MARCHF7: variants seen among roughly 807,000 people sequenced by gnomAD.
MARCHF7 encodes membrane associated ring-CH-type finger 7.
A neutral mutation model predicts 76.5 loss-of-function variants in MARCHF7; 20 were observed. The observed-to-expected ratio is 0.26, with a 90% CI of 0.18 to 0.38. The LOEUF (loss-of-function observed/expected upper bound fraction) is 0.38, where lower values mean the gene tolerates loss of function less well. Ranked by LOEUF, MARCHF7 falls within the 10% of genes least tolerant of loss-of-function variation. MARCHF7 has a pLI of 1.00. For synonymous variants in MARCHF7, 295 were observed against 293.0 expected, an observed-to-expected ratio of 1.01 and a Z score of -0.07; for missense variants, 797 against 812.9, an observed-to-expected ratio of 0.98 and a Z score of 0.24.
chr2:159,737,996 G>A (rs1182884320), intron 4 of MARCHF7, among the ~76,000 whole-genome samples: 1 of 152,212 alleles, frequency 6.6e-6, no homozygotes, highest in African/African-American at 2.4e-5. Flanking sequence ...CGGACTGGCA[G>A]GCTTTGTTCG....
intron 5 of MARCHF7, among the ~76,000 whole-genome samples, chr2:159,745,266 A>G (rs1474063888): frequency 2.6e-5 from 4 of 152,222 alleles, no homozygotes; most frequent in African/African-American, 7.2e-5. Context: ...TAGAGTAGGA[A>G]ATAATTTTAT....
In MARCHF7 at chr2:159,748,094, A is replaced by G. The variant is rs149522969; in HGVS notation, c.804A>G (p.Gln268=). 8.2e-5 allele frequency: 132 copies of G among 1,614,192 alleles called. 1 individual carries two copies. In the African/African-American group the frequency reaches 1.2e-3, roughly 14 times the overall value. ...TTGTTTCATCTCAAAGACCATTTCA[A>G]GAATCTTCTGACAATGAAGGTAGGC... ...ERVVSSQRPF[Q]ESSDNEGRRT... The change falls in exon 7 of 12, where the codon CAA becomes CAG. Residue 268 remains glutamine (Q), a synonymous_variant. Transcript: ENST00000409175.
At chr2:159,735,129 C>T (rs1703300297) in intron 4 of MARCHF7, among the ~76,000 whole-genome samples, 1 of 152,146 alleles carries the variant, frequency 6.6e-6, no homozygotes, top group Non-Finnish European at 1.5e-5. Context: ...AGGGAGAGCT[C>T]AAAGTCTTAA....
In MARCHF7 at chr2:159,748,049, C is replaced by T. The variant is rs375346228; in HGVS notation, c.759C>T (p.Ile253=). The change falls in exon 7 of 12, where the codon ATC becomes ATT. Residue 253 remains isoleucine (I), a synonymous_variant. Transcript: ENST00000409175. ...SYSSSRDEAP[I]ISNSERVVSS... Reference sequence around the variant, plus strand: ...GTTCAAGTAGAGATGAAGCCCCAATCATAAGCAATTCAGAAAGGGTTGTTT... The same window carrying T: ...GTTCAAGTAGAGATGAAGCCCCAATTATAAGCAATTCAGAAAGGGTTGTTT... 1 of 1,614,076 alleles carries T rather than the reference C, an allele frequency of 6.2e-7. No individual in the cohort carries two copies. Among genetic ancestry groups the T allele is most frequent in the African/African-American group, 1.3e-5 (1 of 74,938 alleles).
At chr2:159,718,433 T>C (rs1457438078) in intron 3 of MARCHF7, among the ~76,000 whole-genome samples, 3 of 152,126 alleles carry the variant, frequency 2.0e-5, no homozygotes, top group Non-Finnish European at 4.4e-5. Flanking sequence ...GGCTGAGGCA[T>C]TTTTGTTAGA....
chr2:159,730,323 T>C (rs1008584801), intron 4 of MARCHF7, among the ~76,000 whole-genome samples: 1 of 152,212 alleles, frequency 6.6e-6, no homozygotes, highest in Admixed American at 6.5e-5. Context: ...TCTAAAAGAA[T>C]CCTTTGAAAA....
chr2:159,733,708 G>A (rs1239294156), intron 4 of MARCHF7: 2 of 985,208 alleles, frequency 2.0e-6, no homozygotes, highest in Non-Finnish European at 2.4e-6. Context: ...GACTTAATAT[G>A]GGAACACCTT....
At chr2:159,756,601 C>G (rs540253165) in intron 8 of MARCHF7, among the ~76,000 whole-genome samples, 1 of 142,740 alleles carries the variant, frequency 7.0e-6, no homozygotes, top group Admixed American at 7.4e-5. Context: ...GCAAGAGAAT[C>G]GCTTGAACCC....
chr2:159,750,758 G>C (rs6432560), intron 7 of MARCHF7, among the ~76,000 whole-genome samples: 52,341 of 151,588 alleles, frequency 0.35, 9,219 homozygotes, highest in South Asian at 0.44. Context: ...AAATACACTT[G>C]GAGGAAGAAA....
chr2:159,719,752 T>G (rs1437168669), intron 3 of MARCHF7, among the ~76,000 whole-genome samples: 1 of 152,204 alleles, frequency 6.6e-6, no homozygotes, highest in Non-Finnish European at 1.5e-5. Flanking sequence ...TGGGGTGATT[T>G]TTTTTCCTTG....
Position 159,752,419 on chromosome 2 carries a change from C to T in MARCHF7, c.1631C>T (p.Ser544Leu). Residue 544 changes from serine (S) to leucine (L), a missense_variant, in exon 8 of 12, where the codon TCA becomes TTA. Physicochemically the swap from Ser to Leu is moderately radical, Grantham distance 145. This residue lies in a region of MARCHF7 where 643 missense variants were observed against 631.5 expected (regional missense o/e 1.02). Transcript: ENST00000409175. ...TTTTCCAGCCTCCTTTTAGAGGACT[C>T]AGAAGAAGAAGAAGGTGACTTATGT... is the stretch of plus-strand genomic sequence containing the variant. ...KIKESLLLED[S>L]EEEEGDLCRI... is the part of the protein sequence containing the mutation. 6.3e-7 allele frequency: 1 copy of T among 1,590,964 alleles called. No homozygotes were observed. Among genetic ancestry groups the T allele is most frequent in the Non-Finnish European group, 8.5e-7 (1 of 1,170,546 alleles).
At position 159,737,683 on chromosome 2, in the gene MARCHF7, G is replaced by A. The variant is rs187950140; in HGVS notation, c.154-5378G>A. Reference sequence around the variant, plus strand: ...CATGCCTGTAGTCTCAGCTACTCTGGAGGCTGAGGTGGAAGGATTGCTTGG... The same window carrying A: ...CATGCCTGTAGTCTCAGCTACTCTGAAGGCTGAGGTGGAAGGATTGCTTGG... On this transcript the variant is annotated intron_variant, in intron 4 of 11. Coordinates refer to ENST00000409175, the MANE Select transcript of MARCHF7 (RefSeq NM_001282805.2). 8.5e-5 allele frequency among the ~76,000 whole-genome samples: 13 copies of A among 152,150 alleles called. No individual in the cohort carries two copies. In the East Asian group the frequency reaches 1.3e-3, roughly 16 times the overall value.
intron 4 of MARCHF7, among the ~76,000 whole-genome samples, chr2:159,742,716 A>G (rs1279825958): frequency 6.6e-6 from 1 of 152,138 alleles, no homozygotes; most frequent in Admixed American, 6.6e-5. Flanking sequence ...AGGCAGGCAG[A>G]TCATGAGGTC....
chr2:159,729,372 A>T (rs1034548358), intron 4 of MARCHF7, among the ~76,000 whole-genome samples, 197 bp downstream of exon 4: 3 of 152,178 alleles, frequency 2.0e-5, no homozygotes, highest in African/African-American at 7.2e-5. Context: ...GTAACCTCAT[A>T]TAAAATCATA....
At chr2:159,720,736 AT>A (rs1202614433) in intron 3 of MARCHF7, among the ~76,000 whole-genome samples, 1 of 152,202 alleles carries the variant, frequency 6.6e-6, no homozygotes, top group Admixed American at 6.5e-5. Context: ...TTCCTGGTAG[AT>A]TACTAAATTG....
chr2:159,726,848 T>A (rs1447350518), intron 3 of MARCHF7, among the ~76,000 whole-genome samples: 1 of 152,204 alleles, frequency 6.6e-6, no homozygotes, highest in Non-Finnish European at 1.5e-5. Context: ...TTGACTATAA[T>A]TATTTTTAAT....
chr2:159,732,107 A>T (rs559716239), intron 4 of MARCHF7, among the ~76,000 whole-genome samples: 2 of 151,012 alleles, frequency 1.3e-5, no homozygotes, highest in Non-Finnish European at 2.9e-5. Flanking sequence ...CTGTCTCAAA[A>T]AAAACAAAAA....
intron 8 of MARCHF7, 39 bp downstream of exon 8, chr2:159,752,610 G>C: frequency 2.1e-6 from 3 of 1,428,684 alleles, no homozygotes; most frequent in Non-Finnish European, 2.8e-6. Flanking sequence ...ATTTTTCTAA[G>C]AGATGCATGT....
chr2:159,720,956 C>T (rs952003960), intron 3 of MARCHF7, among the ~76,000 whole-genome samples: 1 of 152,048 alleles, frequency 6.6e-6, no homozygotes, highest in African/African-American at 2.4e-5. Context: ...CTCCCGGATT[C>T]AAGCAATTCT....
Sources: gnomAD v4.1 joint callset for allele counts (sites outside exome capture counted in the v4.1 genomes callset) on GRCh38, gnomAD v4.1.1 for gene constraint, gnomAD v4.1.1 regional missense constraint, MANE v1.5 for transcripts, NCBI Gene and HGNC (gene_info 2026-07-23, HGNC 2026-07-21) for gene names.